Variants in DIAPH2 observed in about 807,000 individuals in gnomAD.
The protein encoded by DIAPH2 is diaphanous related formin 2, also known as protein diaphanous homolog 2.
A neutral mutation model predicts 92.7 loss-of-function variants in DIAPH2; 35 were observed. The ratio of observed to expected loss-of-function variants is 0.38; its 90% CI spans 0.29 to 0.50. The LOEUF is 0.50. Among genes scored for constraint, DIAPH2 ranks in the 20% least tolerant of loss-of-function variants. The pLI is 0.94. For missense variants in DIAPH2, 701 were observed against 819.5 expected (o/e 0.86, Z 1.77); for synonymous variants, 301 against 280.4 (o/e 1.07, Z -0.73).
chrX:96,782,133 T>G (rs1014549404), intron 4 of DIAPH2, among the ~76,000 whole-genome samples: 1 of 111,986 alleles, frequency 8.9e-6, no homozygotes, highest in Admixed American at 9.4e-5. Flanking sequence ...AATGTCTCAC[T>G]ATGTCACTCA....
At chrX:97,099,258 C>A (rs1337301834) in intron 19 of DIAPH2, among the ~76,000 whole-genome samples, 2 of 110,155 alleles carry the variant, frequency 1.8e-5, no homozygotes, top group African/African-American at 6.6e-5. Flanking sequence ...CCCAGCTACT[C>A]GTGAGGCTGA....
intron 1 of DIAPH2, among the ~76,000 whole-genome samples, chrX:96,726,169 C>T (rs1221549513): frequency 2.7e-5 from 3 of 111,550 alleles, no homozygotes; most frequent in African/African-American, 3.3e-5. Flanking sequence ...ATTTATATTG[C>T]TCCCATCCTA....
chrX:97,220,771 A>T (rs918339157), intron 22 of DIAPH2, among the ~76,000 whole-genome samples: 3 of 111,797 alleles, frequency 2.7e-5, no homozygotes, highest in African/African-American at 9.8e-5. Flanking sequence ...TTCTCCTGTG[A>T]CAAGCAGTTC....
At chrX:97,141,298 C>T (rs887421331) in intron 21 of DIAPH2, among the ~76,000 whole-genome samples, 9 of 111,062 alleles carry the variant, frequency 8.1e-5, no homozygotes. Flanking sequence ...CTTTTAAGAA[C>T]ATATTTTTGT....
intron 26 of DIAPH2, among the ~76,000 whole-genome samples, chrX:97,529,914 G>A (rs2071048555): frequency 8.9e-6 from 1 of 112,157 alleles, no homozygotes; most frequent in Admixed American, 9.4e-5. Context: ...ATCTACATAA[G>A]CCAGATAACA....
chrX:97,343,171 T>A (rs192404151), intron 23 of DIAPH2, among the ~76,000 whole-genome samples: 33 of 111,766 alleles, frequency 3.0e-4, no homozygotes, highest in East Asian at 2.5e-3. Context: ...TACCATTTTT[T>A]AAAAAATTCA....
intron 22 of DIAPH2, among the ~76,000 whole-genome samples, chrX:97,231,372 A>T (rs1188475229): frequency 9.2e-6 from 1 of 109,124 alleles, no homozygotes; most frequent in Non-Finnish European, 1.9e-5. Flanking sequence ...GTCATCTCTT[A>T]ACATCTGGAT....
chrX:97,185,293 T>TAA (rs1264314639), intron 22 of DIAPH2, among the ~76,000 whole-genome samples: 1 of 21,780 alleles, frequency 4.6e-5, no homozygotes, highest in African/African-American at 2.9e-4. Flanking sequence ...AGACCCTGTC[T>TAA]CAAAAAAAAA....
chrX:96,766,210 A>AGT (rs753905692), intron 4 of DIAPH2, among the ~76,000 whole-genome samples: 3 of 97,216 alleles, frequency 3.1e-5, no homozygotes, highest in Non-Finnish European at 6.2e-5. Flanking sequence ...GGCTATATGT[A>AGT]GTGTATATAT....
chrX:97,256,046 A>G (rs1305293737), intron 23 of DIAPH2, among the ~76,000 whole-genome samples: 3 of 112,379 alleles, frequency 2.7e-5, no homozygotes, highest in East Asian at 5.5e-4. Flanking sequence ...TTTTCAGAAC[A>G]TAAAACGGAA....
At chrX:97,228,852 T>C (rs1298071769) in intron 22 of DIAPH2, among the ~76,000 whole-genome samples, 1 of 112,208 alleles carries the variant, frequency 8.9e-6, no homozygotes, top group African/African-American at 3.2e-5. Flanking sequence ...GCAAGATCAA[T>C]GTGGGATCTA....
At chrX:97,120,289 C>T (rs1156252048) in intron 21 of DIAPH2, among the ~76,000 whole-genome samples, 1 of 110,554 alleles carries the variant, frequency 9.0e-6, no homozygotes, top group Non-Finnish European at 1.9e-5. Flanking sequence ...AGGTTGGAAA[C>T]TTCTCCCTCA....
chrX:97,049,323 A>AGT (rs1396650278), intron 17 of DIAPH2, among the ~76,000 whole-genome samples: 1 of 110,944 alleles, frequency 9.0e-6, no homozygotes, highest in Non-Finnish European at 1.9e-5. Context: ...TTCATACTCT[A>AGT]GTTGAGTTGC....
chrX:96,965,582 G>C (rs779560444), intron 17 of DIAPH2, among the ~76,000 whole-genome samples: 39 of 111,262 alleles, frequency 3.5e-4, no homozygotes, highest in Non-Finnish European at 5.5e-4. Context: ...AATTTTTCAT[G>C]AAATTGAAAT....
At chrX:97,056,237 G>GT (rs1233772425) in intron 17 of DIAPH2, among the ~76,000 whole-genome samples, 4 of 111,280 alleles carry the variant, frequency 3.6e-5, no homozygotes, top group Admixed American at 2.9e-4. Context: ...GTATTTGACA[G>GT]TTTTTTTGTT....
At chrX:97,222,992 C>T (rs138948913) in intron 22 of DIAPH2, among the ~76,000 whole-genome samples, 19 of 110,483 alleles carry the variant, frequency 1.7e-4, no homozygotes, top group African/African-American at 5.6e-4. Context: ...CTTAAGCTAA[C>T]ATTTTATTTA....
chrX:97,307,034 A>G (rs1410881292), intron 23 of DIAPH2, among the ~76,000 whole-genome samples: 2 of 111,884 alleles, frequency 1.8e-5, no homozygotes, highest in African/African-American at 6.5e-5. Flanking sequence ...ATGTCTATTG[A>G]GACCAGACCC....
chrX:97,293,828 G>C (rs1184132582), intron 23 of DIAPH2, among the ~76,000 whole-genome samples: 1 of 111,649 alleles, frequency 9.0e-6, no homozygotes, highest in Admixed American at 9.6e-5. Context: ...GTCTATCTTT[G>C]TTTGTTCCTA....
intron 26 of DIAPH2, among the ~76,000 whole-genome samples, chrX:97,514,550 T>C (rs1166918921): frequency 3.6e-5 from 4 of 112,215 alleles, no homozygotes; most frequent in African/African-American, 9.8e-5. Context: ...CCGTTGCTGG[T>C]GAGGAGCTGC....
Sources: gnomAD v4.1 joint callset for allele counts (sites outside exome capture counted in the v4.1 genomes callset) on GRCh38, gnomAD v4.1.1 for gene constraint, MANE v1.5 for transcripts, NCBI Gene and HGNC (gene_info 2026-07-23, HGNC 2026-07-21) for gene names.